FLT4: variants seen among roughly 807,000 people sequenced by gnomAD.
FLT4 encodes the protein fms related receptor tyrosine kinase 4.
FLT4 carries 30 observed loss-of-function variants against 163.2 expected under a neutral mutation model. The ratio of observed to expected loss-of-function variants is 0.18; its 90% CI spans 0.14 to 0.25. The LOEUF is 0.25. FLT4 is among the 10% of genes least tolerant of loss of function. The pLI, the probability that FLT4 is intolerant of heterozygous loss-of-function variation, is 1.00. For missense variants in FLT4, 1,510 were observed against 1,863.8 expected (o/e 0.81, Z 3.50); for synonymous variants, 884 against 789.5 (o/e 1.12, Z -2.01).
intron 1 of FLT4, among the ~76,000 whole-genome samples, chr5:180,645,875 G>A (rs1399637812): frequency 3.9e-5 from 6 of 152,190 alleles, no homozygotes; most frequent in Non-Finnish European, 5.9e-5. Context: ...TCAGAGTCTA[G>A]GGGGTGTGAG....
chr5:180,603,731 C>T (rs1264023542), intron 29 of FLT4, among the ~76,000 whole-genome samples: 9 of 152,010 alleles, frequency 5.9e-5, no homozygotes, highest in African/African-American at 1.9e-4. Flanking sequence ...GGTGAAACCC[C>T]GTCTCTACTA....
In FLT4 at chr5:180,622,676, C is replaced by T. The variant is rs905905063; in HGVS notation, c.1657+55G>A. ...ACCCCAGAAACTCAATGAGCCCAAA[C>T]CTGCCCCCTCCTGACCCTGTACCCA... On this transcript the variant is annotated intron_variant, in intron 12 of 29. Transcript: ENST00000261937. The T allele has an allele frequency of 2.7e-6, 3 of 1,112,682 alleles. No individual in the cohort carries two copies. The African/African-American group carries it at 4.6e-5, about 17-fold the overall frequency. 68.9% of individuals were successfully genotyped at this position (1,112,682 alleles called of 1,614,324 possible). A position where few individuals can be genotyped will look rare whatever the true frequency, so the allele number is the denominator to read the frequency against.
In FLT4 at chr5:180,619,759, G is replaced by A. The variant is rs756742987; in HGVS notation, c.2553C>T (p.Leu851=). ...PRERLHLGRV[L]GYGAFGKVVE... is the part of the protein sequence containing the mutation. ...CCACCTTCCCGAAGGCGCCGTAGCC[G>A]AGCACTCTCCCTGTCGGGGCAGGGG... Residue 851 remains leucine, a synonymous_variant, in exon 18 of 30, where the codon CTC becomes CTT. Transcript: ENST00000261937. 6.2e-7 allele frequency: 1 copy of A among 1,611,956 alleles called. No individual in the cohort carries two copies. Among genetic ancestry groups the A allele is most frequent in the African/African-American group, 1.3e-5 (1 of 75,056 alleles).
rs774932802 is a variant in FLT4, at chr5:180,611,284, C to T, written c.3686+47G>A. The T allele has an allele frequency of 3.1e-6, 5 of 1,608,574 alleles. No individual in the cohort carries two copies. The South Asian group carries it at 4.4e-5, about 14-fold the overall frequency. Reference sequence around the variant, plus strand: ...GCAGAGGGATAAAATGCACCTTGTCCACATGGCTTTCTCCCACCCTACTCC... The same window carrying T: ...GCAGAGGGATAAAATGCACCTTGTCTACATGGCTTTCTCCCACCCTACTCC... On this transcript the variant is annotated intron_variant, in intron 27 of 29. Transcript: ENST00000261937.
Position 180,620,593 on chromosome 5 carries a change from G to A in FLT4, c.2406+16C>T, listed in dbSNP as rs770102788. ...GCCTGAGAGAGACTCCATCAGGAGC[G>A]GGGAGGGACACTCACCCTCCTCATG... On this transcript the variant is annotated intron_variant, in intron 16 of 29. Transcript: ENST00000261937. This position sits in a 1 kb window ranked among gnomAD's most constrained non-coding sequence, Gnocchi z 4.4. 1.5e-5 allele frequency: 23 copies of A among 1,573,736 alleles called. No individual in the cohort carries two copies. The highest frequency in any genetic ancestry group is 1.2e-4 in the Admixed American group (7 of 59,908).
chr5:180,616,237 C>G (rs1353958262), intron 23 of FLT4, 130 bp downstream of exon 23: 9 of 1,319,282 alleles, frequency 6.8e-6, no homozygotes, highest in Non-Finnish European at 8.6e-6. Flanking sequence ...AGCAGCTGGG[C>G]ACATGGCTGG....
At chr5:180,632,189 C>T (rs996506395) in intron 1 of FLT4, among the ~76,000 whole-genome samples, 1 of 152,074 alleles carries the variant, frequency 6.6e-6, no homozygotes, top group Admixed American at 6.5e-5. Context: ...GCCCTACACC[C>T]GCTGCTTCCC....
At chr5:180,642,112 CAGG>C (rs1765172325) in intron 1 of FLT4, among the ~76,000 whole-genome samples, 1 of 151,164 alleles carries the variant, frequency 6.6e-6, no homozygotes, top group Non-Finnish European at 1.5e-5. Flanking sequence ...GAGGCTGAGG[CAGG>C]AGAATGGCGT....
chr5:180,631,137 G>T (rs1764090765), intron 2 of FLT4, among the ~76,000 whole-genome samples: 1 of 152,046 alleles, frequency 6.6e-6, no homozygotes, highest in Non-Finnish European at 1.5e-5. Context: ...TCAGTGTGAG[G>T]TGTCAGGAGT....
chr5:180,644,845 T>G (rs1250556927), intron 1 of FLT4, among the ~76,000 whole-genome samples: 2 of 152,238 alleles, frequency 1.3e-5, no homozygotes, highest in Admixed American at 6.5e-5. Context: ...TGGGTGATGA[T>G]GGGGGCTTCC....
At chr5:180,615,618 C>CCGAAATCCA (rs1230740201) in intron 23 of FLT4, among the ~76,000 whole-genome samples, 1 of 111,108 alleles carries the variant, frequency 9.0e-6, no homozygotes, top group African/African-American at 3.7e-5. Flanking sequence ...TTCTCCACTT[C>CCGAAATCCA]CTTTCGGAGC....
chr5:180,640,337 G>A (rs924002913), intron 1 of FLT4, among the ~76,000 whole-genome samples: 1 of 152,246 alleles, frequency 6.6e-6, no homozygotes, highest in African/African-American at 2.4e-5. Flanking sequence ...TGGCCACGTG[G>A]GAGCCCAGTC....
Position 180,611,375 on chromosome 5 carries a change from A to G in FLT4, c.3642T>C (p.Ala1214=), listed in dbSNP as rs761603890. ...GCTGCAGGCTTGGCGGGCTGTCCTC[A>G]GCGTCAGCCTGGGCGATGTGTAGGG... ...TMALHIAQAD[A]EDSPPSLQRH... Residue 1214 remains alanine, a synonymous_variant, in exon 27 of 30, where the codon GCT becomes GCC. Transcript: ENST00000261937. The G allele has an allele frequency of 2.5e-6, 4 of 1,613,858 alleles. No homozygotes were observed. Among genetic ancestry groups the G allele is most frequent in the Non-Finnish European group, 2.5e-6 (3 of 1,179,968 alleles).
chr5:180,645,133 T>TG (rs995405660), intron 1 of FLT4, among the ~76,000 whole-genome samples: 38 of 151,656 alleles, frequency 2.5e-4, no homozygotes, highest in African/African-American at 5.8e-4. Context: ...GTGGGTGAGT[T>TG]GGGGGGGGCC....
intron 21 of FLT4, among the ~76,000 whole-genome samples, chr5:180,618,525 G>A (rs1333326546): frequency 6.6e-6 from 1 of 152,218 alleles, no homozygotes; most frequent in Non-Finnish European, 1.5e-5. Context: ...CCGGGCACCT[G>A]CTGCTTGGCC....
At chr5:180,648,985 G>C (rs1416457300) in intron 1 of FLT4, among the ~76,000 whole-genome samples, 3 of 152,158 alleles carry the variant, frequency 2.0e-5, no homozygotes, top group Non-Finnish European at 4.4e-5. Context: ...GCCACGGGGA[G>C]GGGGAAGCCC....
intron 23 of FLT4, among the ~76,000 whole-genome samples, chr5:180,614,484 TAGACCTCCAGCGC>T (rs910464000): frequency 3.3e-5 from 5 of 151,982 alleles, no homozygotes; most frequent in Non-Finnish European, 4.4e-5. Context: ...CCTCCAGCCC[TAGACCTCCAGCGC>T]AGCCTCCTGA....
Position 180,620,427 on chromosome 5 carries a change from G to T in FLT4, c.2407-119C>A. 7.2e-7 allele frequency: 1 copy of T among 1,391,552 alleles called. No individual in the cohort carries two copies. Among genetic ancestry groups the T allele is most frequent in the African/African-American group, 1.4e-5 (1 of 70,506 alleles). The allele number at this position is 1,391,552 out of a possible 1,614,324, so 86.2% of individuals were successfully genotyped here. A position where few individuals can be genotyped will look rare whatever the true frequency, so the allele number is the denominator to read the frequency against. On this transcript the variant is annotated intron_variant, in intron 16 of 29. Coordinates refer to ENST00000261937, the MANE Select transcript of FLT4 (RefSeq NM_182925.5). The surrounding 1 kb of genome is among the most constrained non-coding windows in gnomAD (Gnocchi z 4.4). ...TCCTGCGGGGTTCTCAGTCAAGGAG[G>T]GGACAGAAAAAAAGACAGACAACCT...
intron 11 of FLT4, 96 bp from the exon 12 acceptor site, chr5:180,622,935 C>A (rs73812624): frequency 1.8e-5 from 14 of 787,676 alleles, no homozygotes; most frequent in Middle Eastern, 6.3e-4. Flanking sequence ...ACCACCCCCC[C>A]CAATCATGGG....
Sources: allele counts gnomAD v4.1 joint callset (sites outside exome capture counted in the v4.1 genomes callset), GRCh38; gene constraint gnomAD v4.1.1; non-coding constraint Gnocchi (gnomAD v3.1); transcripts MANE v1.5; gene names NCBI Gene and HGNC (gene_info 2026-07-23, HGNC 2026-07-21).